Variants in TMTC3 observed in about 807,000 individuals in gnomAD.
TMTC3 encodes transmembrane O-mannosyltransferase targeting cadherins 3.
Under a neutral mutation model 92.2 loss-of-function variants are expected in TMTC3, and 52 were observed. That is an observed-to-expected ratio of 0.56 (90% confidence interval 0.45 to 0.71). The LOEUF (loss-of-function observed/expected upper bound fraction) is 0.71. TMTC3 is among the 30% of genes least tolerant of loss of function. The probability of loss-of-function intolerance (pLI) is 0.00; values close to 1 mark genes in which losing one functional copy is unlikely to be tolerated. For synonymous variants in TMTC3, 339 were observed against 363.3 expected (o/e 0.93, Z 0.76); for missense variants, 896 against 1,057.1 (o/e 0.85, Z 2.11).
At chr12:88,168,217 A>G (rs1374348096) in intron 7 of TMTC3, among the ~76,000 whole-genome samples, 1 of 152,238 alleles carries the variant, frequency 6.6e-6, no homozygotes, top group Non-Finnish European at 1.5e-5. Flanking sequence ...TGAGGGGGAA[A>G]GTGAGATCTA....
At chr12:88,187,051 C>G (rs984721326) in intron 10 of TMTC3, among the ~76,000 whole-genome samples, 1 of 151,448 alleles carries the variant, frequency 6.6e-6, no homozygotes, top group African/African-American at 2.4e-5. Context: ...TTTATTTTAA[C>G]AAATTTTCAG....
chr12:88,192,764 G>T lies in TMTC3; in HGVS notation c.1867G>T (p.Ala623Ser). Reference sequence around the variant, plus strand: ...TGAAGCCCTAAAAAACTTTAATCGTGCTCTGGAACTAAATCCAAAGCATAA... The same window carrying T: ...TGAAGCCCTAAAAAACTTTAATCGTTCTCTGGAACTAAATCCAAAGCATAA... Reference protein sequence around the residue: ...PNEALKNFNRALELNPKHKLA... With the variant: ...PNEALKNFNRSLELNPKHKLA... The change falls in exon 13 of 14, where the codon GCT becomes TCT. Residue 623 changes from alanine to serine, a missense_variant. Transcript: ENST00000266712. 1 of 1,613,332 alleles carries T rather than the reference G, an allele frequency of 6.2e-7. No individual in the cohort carries two copies. Among genetic ancestry groups the T allele is most frequent in the Non-Finnish European group, 8.5e-7 (1 of 1,179,638 alleles).
chr12:88,180,000 G>A lies in TMTC3; in HGVS notation c.1432+3681G>A, dbSNP rs146095752. Among the ~76,000 whole-genome samples, 4 of 152,178 alleles carry A rather than the reference G, an allele frequency of 2.6e-5. No individual in the cohort carries two copies. In the East Asian group the frequency reaches 7.7e-4, roughly 29 times the overall value. On this transcript the variant is annotated intron_variant, in intron 10 of 13. Transcript: ENST00000266712. ...TTCTGAAGCTTTTGCAAAACCTCCT[G>A]GCCTTCCAAAAAGATTTGCATCTTT...
At chr12:88,152,231 T>G (rs1259358377) in intron 2 of TMTC3, among the ~76,000 whole-genome samples, 1 of 152,166 alleles carries the variant, frequency 6.6e-6, no homozygotes. Flanking sequence ...GGTGAGGCCT[T>G]GAAAGTTTTA....
In TMTC3 at chr12:88,198,235, A is replaced by C. The variant is rs575460427; in HGVS notation, c.*2586A>C. 6.1e-4 allele frequency: 243 copies of C among 396,804 alleles called. No homozygotes were observed. The highest frequency in any genetic ancestry group is 4.5e-3 in the African/African-American group (218 of 48,504). The allele number at this position is 396,804 out of a possible 1,614,324, so 24.6% of individuals were successfully genotyped here. On this transcript the variant is annotated 3_prime_UTR_variant, in exon 14 of 14. Coordinates refer to ENST00000266712, the MANE Select transcript of TMTC3 (RefSeq NM_181783.4). ...TTTTTTCCTCTGGAGCTGCCTGTTC[A>C]GTGAGATGGAGGAGGTGGGCACATT... is the stretch of plus-strand genomic sequence containing the variant.
intron 11 of TMTC3, among the ~76,000 whole-genome samples, chr12:88,189,830 T>C (rs1487998380): frequency 6.6e-6 from 1 of 152,134 alleles, no homozygotes; most frequent in African/African-American, 2.4e-5. Context: ...ATAGTATATA[T>C]GGATCGAGAC....
chr12:88,174,145 A>C (rs1430535638), intron 8 of TMTC3, among the ~76,000 whole-genome samples: 1 of 152,086 alleles, frequency 6.6e-6, no homozygotes, highest in Non-Finnish European at 1.5e-5. Flanking sequence ...TTAATAGACA[A>C]TTCTAGCTTT....
intron 2 of TMTC3, among the ~76,000 whole-genome samples, chr12:88,149,434 TAAA>T (rs1201989574): frequency 6.6e-6 from 1 of 152,034 alleles, no homozygotes; most frequent in Non-Finnish European, 1.5e-5. Context: ...CTTTCCAAAA[TAAA>T]AAAGAGAGTA....
rs1223116112 is a variant in TMTC3 at position 88,198,730 on chromosome 12, TAATGA to T, written c.*3084_*3088del. 4.2e-6 allele frequency: 1 copy of T among 240,352 alleles called. No homozygotes were observed. The highest frequency in any genetic ancestry group is 2.2e-5 in the African/African-American group (1 of 44,768). 14.9% of individuals were successfully genotyped at this position (240,352 alleles called of 1,614,324 possible). A position where few individuals can be genotyped will look rare whatever the true frequency, so the allele number is the denominator to read the frequency against. On this transcript the variant is annotated 3_prime_UTR_variant, in exon 14 of 14. Transcript: ENST00000266712. ...GTTACAGAATGCTTTAAAGATGCTT[TAATGA>T]AAAGTATTAAGAAAATATATAGATT...
intron 7 of TMTC3, among the ~76,000 whole-genome samples, chr12:88,167,888 T>C (rs928932435): frequency 3.3e-5 from 5 of 152,096 alleles, no homozygotes; most frequent in African/African-American, 1.2e-4. Context: ...TAAGGTGAAA[T>C]GTAGATGAGG....
chr12:88,172,690 A>G lies in TMTC3; in HGVS notation c.1144A>G (p.Ser382Gly), dbSNP rs1359361964. Residue 382 changes from serine to glycine, a missense_variant, in exon 8 of 14, where the codon AGC becomes GGC. Coordinates refer to ENST00000266712, the MANE Select transcript of TMTC3 (RefSeq NM_181783.4). The part of the protein sequence containing the change: ...VVAERVLYVP[S>G]MGFCILVAHG... ...TGCCGAGCGAGTATTATATGTTCCC[A>G]GCATGGGGTTCTGTATTTTGGTAGC... The G allele has an allele frequency of 6.2e-7, 1 of 1,602,998 alleles. No homozygotes were observed. The highest frequency in any genetic ancestry group is 8.5e-7 in the Non-Finnish European group (1 of 1,175,530).
At chr12:88,165,620 T>G (rs1231769974) in intron 6 of TMTC3, among the ~76,000 whole-genome samples, 1 of 152,116 alleles carries the variant, frequency 6.6e-6, no homozygotes, top group Non-Finnish European at 1.5e-5. Flanking sequence ...CAATATAATT[T>G]AGAACACAGA....
intron 2 of TMTC3, among the ~76,000 whole-genome samples, chr12:88,152,599 AAAG>A (rs2040956500): frequency 6.6e-6 from 1 of 152,156 alleles, no homozygotes; most frequent in Non-Finnish European, 1.5e-5. Context: ...TGTGTTAGGG[AAAG>A]AAGTATTTCT....
chr12:88,181,619 T>C (rs2041318950), intron 10 of TMTC3, among the ~76,000 whole-genome samples: 1 of 152,110 alleles, frequency 6.6e-6, no homozygotes, highest in East Asian at 1.9e-4. Context: ...GATCCAGCAA[T>C]TGCTGAAGTT....
At chr12:88,143,680 C>G (rs116109925) in intron 1 of TMTC3, among the ~76,000 whole-genome samples, 1 of 152,126 alleles carries the variant, frequency 6.6e-6, no homozygotes, top group Non-Finnish European at 1.5e-5. Context: ...ATTAAACATT[C>G]TTCATGTTCA....
intron 4 of TMTC3, among the ~76,000 whole-genome samples, chr12:88,156,629 G>A (rs2041013358): frequency 6.6e-6 from 1 of 151,924 alleles, no homozygotes; most frequent in Non-Finnish European, 1.5e-5. Context: ...TTGTAGCTGT[G>A]GATTTCTGCA....
Position 88,198,253 on chromosome 12 carries a change from G to A in TMTC3, c.*2604G>A, listed in dbSNP as rs1269316090. 7.6e-6 allele frequency: 3 copies of A among 397,322 alleles called. No individual in the cohort carries two copies. The highest frequency in any genetic ancestry group is 6.2e-5 in the African/African-American group (3 of 48,472). 24.6% of individuals were successfully genotyped at this position (397,322 alleles called of 1,614,324 possible). A position where few individuals can be genotyped will look rare whatever the true frequency, so the allele number is the denominator to read the frequency against. On this transcript the variant is annotated 3_prime_UTR_variant, in exon 14 of 14. Transcript: ENST00000266712. ...CCTGTTCAGTGAGATGGAGGAGGTG[G>A]GCACATTTAAGGTCAGTTCACTAAC...
chr12:88,163,721 C>G (rs2041107790), intron 6 of TMTC3, among the ~76,000 whole-genome samples: 1 of 152,104 alleles, frequency 6.6e-6, no homozygotes, highest in Admixed American at 6.5e-5. Flanking sequence ...TATGAGGACC[C>G]CAGTCGTTGG....
intron 10 of TMTC3, among the ~76,000 whole-genome samples, chr12:88,187,570 A>C (rs976444371): frequency 5.3e-5 from 8 of 152,138 alleles, no homozygotes; most frequent in Admixed American, 2.0e-4. Flanking sequence ...TACATCTAAA[A>C]AGAAAAAAAT....
Sources: gnomAD v4.1 joint callset for allele counts (sites outside exome capture counted in the v4.1 genomes callset) on GRCh38, gnomAD v4.1.1 for gene constraint, MANE v1.5 for transcripts, NCBI Gene and HGNC (gene_info 2026-07-23, HGNC 2026-07-21) for gene names.